ARID1B: variants seen among roughly 807,000 people sequenced by gnomAD.
ARID1B encodes the protein AT-rich interaction domain 1B, also known as AT-rich interactive domain-containing protein 1B.
A neutral mutation model predicts 212.3 loss-of-function variants in ARID1B; 30 were observed. That is an observed-to-expected ratio of 0.14 (90% CI 0.11 to 0.19). The LOEUF (loss-of-function observed/expected upper bound fraction) is 0.19. ARID1B is among the 10% of genes least tolerant of loss of function. ARID1B has a pLI of 1.00. For synonymous variants in ARID1B, 1,402 were observed against 1,301.7 expected (o/e 1.08, Z -1.66); for missense variants, 2,891 against 3,204.0 (o/e 0.90, Z 2.36).
chr6:156,870,858 C>A (rs1562448641), intron 2 of ARID1B, among the ~76,000 whole-genome samples: 1 of 152,160 alleles, frequency 6.6e-6, no homozygotes, highest in Non-Finnish European at 1.5e-5. Flanking sequence ...GAATATTTTA[C>A]CAAACCTCTT....
chr6:157,155,556 A>C (rs1790522875), intron 8 of ARID1B, among the ~76,000 whole-genome samples: 1 of 152,204 alleles, frequency 6.6e-6, no homozygotes, highest in African/African-American at 2.4e-5. Context: ...TTTAATACTG[A>C]ATATCACAAA....
chr6:157,126,992 C>T (rs1334602510), intron 6 of ARID1B, among the ~76,000 whole-genome samples: 1 of 152,150 alleles, frequency 6.6e-6, no homozygotes, highest in Admixed American at 6.5e-5. Flanking sequence ...ACAAATATGT[C>T]ACCATAAATA....
chr6:157,019,538 T>C (rs1780103444), intron 4 of ARID1B, among the ~76,000 whole-genome samples: 1 of 152,224 alleles, frequency 6.6e-6, no homozygotes. Flanking sequence ...TTCCTATTTC[T>C]CTCTAGATTT....
In ARID1B at chr6:157,148,027, C is replaced by T. The variant is rs1358088409; in HGVS notation, c.2762-597C>T. 6.7e-6 allele frequency among the ~76,000 whole-genome samples: 1 copy of T among 149,214 alleles called. No individual in the cohort carries two copies. The highest frequency in any genetic ancestry group is 1.5e-5 in the Non-Finnish European group (1 of 67,592). On this transcript the variant is annotated intron_variant, in intron 7 of 19. Coordinates refer to ENST00000636930, the MANE Select transcript of ARID1B (RefSeq NM_001374828.1). This position sits in a 1 kb window ranked among gnomAD's most constrained non-coding sequence, Gnocchi z 5.6. ...TGGCAGCCAGCACAAACCAGCTGCT[C>T]GATCTGGTACTCAAGCAAAAAAAGA...
At chr6:156,966,034 A>G (rs1395967487) in intron 4 of ARID1B, among the ~76,000 whole-genome samples, 2 of 152,216 alleles carry the variant, frequency 1.3e-5, no homozygotes, top group Non-Finnish European at 2.9e-5. Flanking sequence ...AGGGACCACA[A>G]GTTCTCATAG....
In ARID1B at chr6:157,190,249, G is replaced by A. The variant is rs752079915; in HGVS notation, c.4231+39G>A. The A allele has an allele frequency of 5.1e-6, 8 of 1,575,408 alleles. No individual in the cohort carries two copies. The South Asian group carries it at 9.3e-5, about 18-fold the overall frequency. On this transcript the variant is annotated intron_variant, in intron 15 of 19. Transcript: ENST00000636930. This position sits in a 1 kb window ranked among gnomAD's most constrained non-coding sequence, Gnocchi z 4.6. ...GGCCTCCACCCGGCCATGGACCAGT[G>A]GGCATTCTACTCTCTGCCGTTCCAC...
At chr6:157,021,482 C>T (rs576883445) in intron 4 of ARID1B, among the ~76,000 whole-genome samples, 2 of 152,340 alleles carry the variant, frequency 1.3e-5, no homozygotes, top group East Asian at 3.9e-4. Flanking sequence ...CCGCTCGCTC[C>T]TTTCGGCCCG....
At chr6:157,101,986 G>A (rs898575335) in intron 5 of ARID1B, among the ~76,000 whole-genome samples, 1 of 152,102 alleles carries the variant, frequency 6.6e-6, no homozygotes, top group Non-Finnish European at 1.5e-5. Context: ...TACAACTTTT[G>A]AAACATGGAA....
rs145890570 is a variant in ARID1B at position 157,197,830 on chromosome 6, G to A, written c.4383-981G>A. Among the ~76,000 whole-genome samples, 52 of 152,224 alleles carry A rather than the reference G, an allele frequency of 3.4e-4. No homozygotes were observed. The East Asian group carries it at 6.9e-3, about 20-fold the overall frequency. On this transcript the variant is annotated intron_variant, in intron 16 of 19. Transcript: ENST00000636930. The stretch of plus-strand genomic sequence containing the variant: ...TTTTCTCTTCTGAAAAATGTTGCTT[G>A]TTAGGCAACTTAAATTTTACCCATG...
rs1250999540 is a variant in ARID1B at position 157,136,943 on chromosome 6, T to C, written c.2761+3736T>C. On this transcript the variant is annotated intron_variant, in intron 7 of 19. Transcript: ENST00000636930. Reference sequence around the variant, plus strand: ...CCATAATCTCAGCACTTTGAGAGGCTGAGGCAGGCCGATCGCTTGAGCCCA... The same window carrying C: ...CCATAATCTCAGCACTTTGAGAGGCCGAGGCAGGCCGATCGCTTGAGCCCA... Among the ~76,000 whole-genome samples the C allele has an allele frequency of 2.0e-5, 3 of 150,090 alleles. No homozygotes were observed. In the East Asian group the frequency reaches 6.0e-4, roughly 30 times the overall value.
intron 2 of ARID1B, among the ~76,000 whole-genome samples, chr6:156,886,727 G>A (rs976751705): frequency 1.3e-5 from 2 of 152,176 alleles, no homozygotes; most frequent in Non-Finnish European, 2.9e-5. Context: ...TTCCAGTTCC[G>A]GAAGTGTATG....
chr6:156,956,652 C>T (rs1363932363), intron 4 of ARID1B, among the ~76,000 whole-genome samples: 1 of 152,222 alleles, frequency 6.6e-6, no homozygotes, highest in East Asian at 1.9e-4. Context: ...TTGCATCTCC[C>T]TCCAAAAGGA....
intron 3 of ARID1B, among the ~76,000 whole-genome samples, chr6:156,903,017 A>G (rs1789079826): frequency 6.6e-6 from 1 of 152,114 alleles, no homozygotes; most frequent in African/African-American, 2.4e-5. Flanking sequence ...GATAAATTAT[A>G]TTACTCATTT....
At chr6:157,039,877 T>TC (rs1781741716) in intron 4 of ARID1B, among the ~76,000 whole-genome samples, 3 of 108,672 alleles carry the variant, frequency 2.8e-5, no homozygotes, top group Admixed American at 9.4e-5. Context: ...TTTCTCTTTC[T>TC]TTTCTCTTCC....
intron 2 of ARID1B, among the ~76,000 whole-genome samples, chr6:156,831,320 G>C (rs1297478208): frequency 6.6e-6 from 1 of 152,252 alleles, no homozygotes; most frequent in East Asian, 1.9e-4. Flanking sequence ...AAGGTAGTAA[G>C]AAGTAGTGGG....
At chr6:157,048,703 T>C (rs1288334853) in intron 4 of ARID1B, among the ~76,000 whole-genome samples, 2 of 152,224 alleles carry the variant, frequency 1.3e-5, no homozygotes, top group Admixed American at 1.3e-4. Flanking sequence ...TTGTTTGCTT[T>C]GTTGTCATAG....
chr6:157,154,990 A>G (rs542170831), intron 8 of ARID1B, among the ~76,000 whole-genome samples: 13 of 152,218 alleles, frequency 8.5e-5, no homozygotes, highest in Non-Finnish European at 1.6e-4. Flanking sequence ...CCTAGAAACC[A>G]AATAGTAACG....
chr6:157,003,321 C>T (rs1779013361), intron 4 of ARID1B, among the ~76,000 whole-genome samples: 2 of 152,284 alleles, frequency 1.3e-5, no homozygotes, highest in African/African-American at 4.8e-5. Flanking sequence ...AGGTTGGGTA[C>T]TGCAGAGGGT....
intron 4 of ARID1B, among the ~76,000 whole-genome samples, chr6:156,999,626 G>T (rs781770894): frequency 6.6e-6 from 1 of 152,206 alleles, no homozygotes; most frequent in Non-Finnish European, 1.5e-5. Flanking sequence ...GTTAGGAAGC[G>T]TGTGTGTTTG....
Sources: gnomAD v4.1 joint callset for allele counts (sites outside exome capture counted in the v4.1 genomes callset) on GRCh38, gnomAD v4.1.1 for gene constraint, Gnocchi (gnomAD v3.1) non-coding constraint, MANE v1.5 for transcripts, NCBI Gene and HGNC (gene_info 2026-07-23, HGNC 2026-07-21) for gene names.